STRIP2: variants seen among roughly 807,000 people sequenced by gnomAD.
STRIP2 encodes striatin-interacting protein 2.
In STRIP2, 84 loss-of-function variants were observed where a neutral mutation model predicts 107.1. The observed-to-expected ratio is 0.78, with a 90% CI of 0.66 to 0.94. STRIP2 has a LOEUF of 0.94. Among genes scored for constraint, STRIP2 ranks in the 40% least tolerant of loss-of-function variants. The pLI is 0.00. For synonymous variants in STRIP2, 394 were observed against 400.4 expected, an observed-to-expected ratio of 0.98 and a Z score of 0.19; for missense variants, 888 against 1,034.2, an observed-to-expected ratio of 0.86 and a Z score of 1.94.
At chr7:129,436,040 A>G (rs527751624) in intron 1 of STRIP2, among the ~76,000 whole-genome samples, 1 of 152,136 alleles carries the variant, frequency 6.6e-6, no homozygotes, top group South Asian at 2.1e-4. Flanking sequence ...TACCCGCCAC[A>G]TCATCTCCCT....
At chr7:129,482,375 ATAT>A (rs1301326585) in intron 19 of STRIP2, among the ~76,000 whole-genome samples, 203 of 80,084 alleles carry the variant, frequency 2.5e-3, no homozygotes, top group African/African-American at 9.1e-3. Context: ...ATATATATAT[ATAT>A]TTTTTTTTTT....
At chr7:129,453,161 G>C (rs1798242486) in intron 4 of STRIP2, 66 bp from the exon 5 acceptor site, 1 of 1,600,888 alleles carries the variant, frequency 6.2e-7, no homozygotes, top group Non-Finnish European at 8.5e-7. Context: ...AAGATCATGG[G>C]GCAGGGTGGA....
chr7:129,469,869 T>C (rs1407806606), intron 17 of STRIP2, among the ~76,000 whole-genome samples: 1 of 152,226 alleles, frequency 6.6e-6, no homozygotes, highest in Non-Finnish European at 1.5e-5. Context: ...TTCAGATAGG[T>C]TGGTGTTCAA....
At chr7:129,441,066 T>C (rs1348006872) in intron 2 of STRIP2, among the ~76,000 whole-genome samples, 1 of 151,688 alleles carries the variant, frequency 6.6e-6, no homozygotes, top group African/African-American at 2.4e-5. Flanking sequence ...AACAAAGAAA[T>C]GGGCAAAGAA....
At chr7:129,453,508 T>G (rs946474231) in intron 5 of STRIP2, among the ~76,000 whole-genome samples, 161 bp downstream of exon 5, 1 of 152,186 alleles carries the variant, frequency 6.6e-6, no homozygotes, top group African/African-American at 2.4e-5. Flanking sequence ...CATCCAGCCA[T>G]GTTCTCTGAT....
chr7:129,485,716 C>T lies in STRIP2; in HGVS notation c.2392C>T (p.Leu798=). Residue 798 remains leucine (L), a synonymous_variant, in exon 21 of 21, where the codon CTG becomes TTG. Transcript: ENST00000249344. ...SPVDNCLQSV[L]GQRLDLPEDF... ...TGTGGATAACTGCTTGCAGAGCGTA[C>T]TGGGGCAGAGGTTGGATCTGCCTGA... 6.2e-7 allele frequency: 1 copy of T among 1,614,128 alleles called. No homozygotes were observed. Among genetic ancestry groups the T allele is most frequent in the Non-Finnish European group, 8.5e-7 (1 of 1,180,016 alleles).
At position 129,454,471 on chromosome 7, in the gene STRIP2, G is replaced by T; in HGVS notation, c.650G>T (p.Arg217Leu). ...ATGGTGGAAAATATTCGCCTGGAGCGAGAGACAGACCCCTGTGGGTGGAGA... is the reference window on the plus strand; with the variant it reads ...ATGGTGGAAAATATTCGCCTGGAGCTAGAGACAGACCCCTGTGGGTGGAGA... The part of the protein sequence containing the change: ...YLMVENIRLE[R>L]ETDPCGWRTA... The change falls in exon 7 of 21, where the codon CGA becomes CTA. Residue 217 changes from arginine to leucine, a missense_variant. Arg to Leu is a moderately radical substitution (Grantham distance 102, BLOSUM62 -2). Coordinates refer to ENST00000249344, the MANE Select transcript of STRIP2 (RefSeq NM_020704.3). The T allele has an allele frequency of 1.2e-6, 2 of 1,614,170 alleles. No homozygotes were observed. Among genetic ancestry groups the T allele is most frequent in the Non-Finnish European group, 8.5e-7 (1 of 1,180,008 alleles).
chr7:129,476,411 C>T (rs1223131392), intron 18 of STRIP2, among the ~76,000 whole-genome samples: 1 of 149,024 alleles, frequency 6.7e-6, no homozygotes, highest in Non-Finnish European at 1.5e-5. Flanking sequence ...GGGCTCCTCA[C>T]TTCTCAGACG....
chr7:129,470,086 C>T (rs1798756136), intron 17 of STRIP2, among the ~76,000 whole-genome samples: 1 of 152,222 alleles, frequency 6.6e-6, no homozygotes, highest in Admixed American at 6.5e-5. Flanking sequence ...TTGCAGTCCC[C>T]CACTGTCAGC....
In STRIP2 at chr7:129,451,683, G is replaced by C. The variant is rs1487861057; in HGVS notation, c.345G>C (p.Arg115=). 5.0e-6 allele frequency: 8 copies of C among 1,614,156 alleles called. No homozygotes were observed. Among genetic ancestry groups the C allele is most frequent in the Non-Finnish European group, 6.8e-6 (8 of 1,180,040 alleles). The stretch of plus-strand genomic sequence containing the variant: ...CCTATATAATGGGACTCTTGGACCG[G>C]CTAGAGGTGGTCAGTAGGGAACGGC... ...QKAYIMGLLD[R]LEVVSRERRL... is the part of the protein sequence containing the mutation. The change falls in exon 4 of 21, where the codon CGG becomes CGC. Residue 115 remains arginine, a synonymous_variant. Coordinates refer to ENST00000249344, the MANE Select transcript of STRIP2 (RefSeq NM_020704.3).
In STRIP2 at chr7:129,451,740, G is replaced by A. The variant is rs140466824; in HGVS notation, c.402G>A (p.Leu134=). The A allele has an allele frequency of 3.7e-6, 6 of 1,612,728 alleles. No individual in the cohort carries two copies. The highest frequency in any genetic ancestry group is 5.1e-6 in the Non-Finnish European group (6 of 1,179,884). Residue 134 remains leucine, a synonymous_variant, in exon 4 of 21, where the codon CTG becomes CTA. Transcript: ENST00000249344. ...AGGTGGCCCGGGCTGTTCTCTACCT[G>A]GCCCAAGGTGAGTGACCACCCTTGC... is the stretch of plus-strand genomic sequence containing the variant. ...RLKVARAVLY[L]AQGTFGECDS...
intron 20 of STRIP2, among the ~76,000 whole-genome samples, chr7:129,485,352 A>G (rs1799216465): frequency 6.6e-6 from 1 of 151,946 alleles, no homozygotes; most frequent in South Asian, 2.1e-4. Flanking sequence ...CTACCCTTCC[A>G]AAGATAATTT....
rs571902397 is a variant in STRIP2 at position 129,434,795 on chromosome 7, G to T, written c.129+194G>T. Reference sequence around the variant, plus strand: ...CCAGTGTCCGCCCGTCTCCTGCCGCGGGTTGGGGGCTTTCTAGCCCTCTGG... The same window carrying T: ...CCAGTGTCCGCCCGTCTCCTGCCGCTGGTTGGGGGCTTTCTAGCCCTCTGG... On this transcript the variant is annotated intron_variant, in intron 1 of 20. Coordinates refer to ENST00000249344, the MANE Select transcript of STRIP2 (RefSeq NM_020704.3). Among the ~76,000 whole-genome samples, 3 of 152,372 alleles carry T rather than the reference G, an allele frequency of 2.0e-5. No individual in the cohort carries two copies. The South Asian group carries it at 6.2e-4, about 32-fold the overall frequency.
At chr7:129,459,415 T>C in intron 11 of STRIP2, 102 bp from the exon 12 acceptor site, 1 of 972,386 alleles carries the variant, frequency 1.0e-6, no homozygotes, top group Non-Finnish European at 1.7e-6. Flanking sequence ...GGGGTAGATG[T>C]TGTTGAAAGT....
intron 14 of STRIP2, among the ~76,000 whole-genome samples, chr7:129,463,621 G>A (rs532551095): frequency 5.9e-5 from 9 of 152,050 alleles, no homozygotes; most frequent in Middle Eastern, 3.4e-3. Context: ...TCAGCCTCCC[G>A]AATAGCTGGG....
At chr7:129,476,427 G>C (rs1232813393) in intron 18 of STRIP2, among the ~76,000 whole-genome samples, 1 of 149,638 alleles carries the variant, frequency 6.7e-6, no homozygotes, top group Non-Finnish European at 1.5e-5. Flanking sequence ...AGACGGGGCG[G>C]CTGCCGGGCG....
At chr7:129,439,664 CTTTG>C (rs1177885481) in intron 1 of STRIP2, among the ~76,000 whole-genome samples, 1 of 152,162 alleles carries the variant, frequency 6.6e-6, no homozygotes, top group Non-Finnish European at 1.5e-5. Flanking sequence ...ATCCAGTTCT[CTTTG>C]TTTCTGTCTG....
At chr7:129,450,302 C>T (rs1382110523) in intron 3 of STRIP2, among the ~76,000 whole-genome samples, 1 of 152,028 alleles carries the variant, frequency 6.6e-6, no homozygotes, top group Non-Finnish European at 1.5e-5. Context: ...ACCTTCACAC[C>T]CTCCATAACC....
intron 2 of STRIP2, among the ~76,000 whole-genome samples, chr7:129,441,993 C>G (rs1453547012): frequency 1.3e-5 from 2 of 152,110 alleles, no homozygotes; most frequent in Non-Finnish European, 2.9e-5. Flanking sequence ...TTTGGGAGGC[C>G]GAAGTGGGTA....
Sources: gnomAD v4.1 joint callset for allele counts (sites outside exome capture counted in the v4.1 genomes callset) on GRCh38, gnomAD v4.1.1 for gene constraint, MANE v1.5 for transcripts, NCBI Gene and HGNC (gene_info 2026-07-23, HGNC 2026-07-21) for gene names.